Variants in VDAC3 observed in about 807,000 individuals in gnomAD.
VDAC3 encodes non-selective voltage-gated ion channel VDAC3.
A neutral mutation model predicts 33.9 loss-of-function variants in VDAC3; 7 were observed. That is an observed-to-expected ratio of 0.21 (90% CI 0.12 to 0.39). VDAC3 has a LOEUF of 0.39. VDAC3 is among the 10% of genes least tolerant of loss of function. The pLI is 1.00. For synonymous variants in VDAC3, 100 were observed against 122.4 expected (o/e 0.82, Z 1.21); for missense variants, 261 against 334.5 (o/e 0.78, Z 1.71).
chr8:42,403,613 C>T (rs1031060627), intron 8 of VDAC3, 152 bp downstream of exon 8: 18 of 894,450 alleles, frequency 2.0e-5, no homozygotes, highest in Middle Eastern at 5.5e-4. Context: ...GCCAGGCTCA[C>T]GCCTGTATTC....
At chr8:42,396,755 T>C in intron 4 of VDAC3, 1 of 659,732 alleles carries the variant, frequency 1.5e-6, no homozygotes, top group Non-Finnish European at 2.7e-6. Flanking sequence ...TAGGATAAAT[T>C]TCAATCATTG....
At chr8:42,394,369 A>G in intron 3 of VDAC3, 91 bp downstream of exon 3, 1 of 1,113,352 alleles carries the variant, frequency 9.0e-7, no homozygotes, top group East Asian at 2.4e-5. Flanking sequence ...AAATAAGGGT[A>G]AGTCAGCATT....
At chr8:42,401,744 C>T (rs529283117) in intron 6 of VDAC3, 44 bp from the exon 7 acceptor site, 4 of 1,575,304 alleles carry the variant, frequency 2.5e-6, no homozygotes, top group African/African-American at 1.3e-5. Flanking sequence ...AGTAAGAACT[C>T]ATGTTGTTTT....
intron 8 of VDAC3, among the ~76,000 whole-genome samples, chr8:42,404,567 A>G (rs985272422): frequency 6.6e-6 from 1 of 152,048 alleles, no homozygotes. Flanking sequence ...TACTAAAAAT[A>G]CAAAATTAGC....
Position 42,398,810 on chromosome 8 carries a change from C to G in VDAC3, c.216C>G (p.Thr72=). 1 of 1,613,872 alleles carries G rather than the reference C, an allele frequency of 6.2e-7. No homozygotes were observed. The highest frequency in any genetic ancestry group is 1.3e-5 in the African/African-American group (1 of 74,966). ...TCTGTAACTATGGACTTACCTTCAC[C>G]CAGAAATGGAACACAGACAATACTC... ...YKVCNYGLTF[T]QKWNTDNTLG... is the part of the protein sequence containing the mutation. Residue 72 remains threonine, a synonymous_variant, in exon 5 of 10, where the codon ACC becomes ACG. Coordinates refer to ENST00000022615, the MANE Select transcript of VDAC3 (RefSeq NM_005662.7).
chr8:42,402,145 C>G (rs1802426335), intron 7 of VDAC3, 130 bp downstream of exon 7: 2 of 1,023,376 alleles, frequency 2.0e-6, no homozygotes, highest in African/African-American at 3.2e-5. Flanking sequence ...CGGTGCTATC[C>G]TCATAGCAAA....
intron 3 of VDAC3, 76 bp from the exon 4 acceptor site, chr8:42,395,008 A>G: frequency 1.3e-6 from 2 of 1,577,624 alleles, no homozygotes; most frequent in Non-Finnish European, 1.7e-6. Flanking sequence ...AGGCTATTTC[A>G]TAATTTCTGA....
intron 7 of VDAC3, chr8:42,403,008 C>G (rs751710074): frequency 9.5e-6 from 3 of 316,654 alleles, no homozygotes; most frequent in Non-Finnish European, 1.7e-5. Flanking sequence ...TCTCAGAGAC[C>G]TATAGATTAT....
chr8:42,398,745 A>T lies in VDAC3; in HGVS notation c.151A>T (p.Thr51Ser), dbSNP rs756439293. Residue 51 changes from threonine (T) to serine (S), a missense_variant, in exon 5 of 10, where the codon ACA becomes TCA. Thr to Ser is a moderately conservative substitution (Grantham distance 58). Transcript: ENST00000022615. ...TACTTCTGGTCATGCTTACACTGAT[A>T]CAGGGAAAGCATCAGGCAACCTAGA... ...FSTSGHAYTD[T>S]GKASGNLETK... 6.2e-7 allele frequency: 1 copy of T among 1,613,958 alleles called. No homozygotes were observed. The highest frequency in any genetic ancestry group is 1.7e-5 in the Admixed American group (1 of 60,014).
At chr8:42,395,047 T>G (rs1242953570) in intron 3 of VDAC3, 37 bp from the exon 4 acceptor site, 2 of 1,612,882 alleles carry the variant, frequency 1.2e-6, no homozygotes, top group Non-Finnish European at 1.7e-6. Flanking sequence ...TGTCACATTT[T>G]GTACATTACT....
At chr8:42,402,046 A>C (rs1325336240) in intron 7 of VDAC3, 31 bp downstream of exon 7, 1 of 1,602,270 alleles carries the variant, frequency 6.2e-7, no homozygotes, top group African/African-American at 1.3e-5. Flanking sequence ...CCTTAGTATC[A>C]GTGCAGTTGC....
At chr8:42,395,279 C>G in intron 4 of VDAC3, 146 bp downstream of exon 4, 2 of 1,268,628 alleles carry the variant, frequency 1.6e-6, no homozygotes, top group Non-Finnish European at 2.1e-6. Flanking sequence ...GCATTCTTAG[C>G]CAATTAAAAT....
chr8:42,404,552 G>A (rs983096329), intron 8 of VDAC3, among the ~76,000 whole-genome samples: 30 of 151,844 alleles, frequency 2.0e-4, no homozygotes, highest in East Asian at 5.8e-4. Flanking sequence ...GTGAAACCCC[G>A]TCTCTACTAA....
chr8:42,400,889 C>G (rs1290664691), intron 6 of VDAC3, among the ~76,000 whole-genome samples: 3 of 151,812 alleles, frequency 2.0e-5, no homozygotes, highest in Middle Eastern at 3.2e-3. Flanking sequence ...TGGTCTCTGT[C>G]TTGACCTCGT....
intron 4 of VDAC3, among the ~76,000 whole-genome samples, chr8:42,397,844 A>C (rs1295106581): frequency 1.3e-5 from 2 of 152,238 alleles, no homozygotes; most frequent in East Asian, 1.9e-4. Flanking sequence ...TTTTGCACAC[A>C]AAAGCATTAA....
At position 42,405,628 on chromosome 8, in the gene VDAC3, C is replaced by T. The variant is rs1339075108; in HGVS notation, c.*166C>T. 6.8e-6 allele frequency: 4 copies of T among 588,284 alleles called. No individual in the cohort carries two copies. In the Admixed American group the frequency reaches 9.5e-5, roughly 14 times the overall value. The allele number at this position is 588,284 out of a possible 1,614,324, so 36.4% of individuals were successfully genotyped here. The stretch of plus-strand genomic sequence containing the variant: ...TGAAGTCTAGGGGTTGCGAATCCCT[C>T]CTGAGGGAGATGCTTGAAGGCATGC... On this transcript the variant is annotated 3_prime_UTR_variant, in exon 10 of 10. Transcript: ENST00000022615.
rs755099473 is a variant in VDAC3, at chr8:42,401,968, T to A, written c.504T>A (p.Asn168Lys). Residue 168 changes from asparagine to lysine, a missense_variant, in exon 7 of 10, where the codon AAT becomes AAA. Physicochemically the swap from Asn to Lys is moderately conservative, Grantham distance 94. Transcript: ENST00000022615. ...CCAAATCCAAACTGTCACAGAATAA[T>A]TTCGCCCTGGGTTACAAGGCTGCGG... is the stretch of plus-strand genomic sequence containing the variant. ...DTAKSKLSQNNFALGYKAADF... is the reference protein window; with the variant it reads ...DTAKSKLSQNKFALGYKAADF... The A allele has an allele frequency of 3.7e-6, 6 of 1,614,208 alleles. No individual in the cohort carries two copies. Among genetic ancestry groups the A allele is most frequent in the Non-Finnish European group, 5.1e-6 (6 of 1,180,040 alleles).
intron 6 of VDAC3, 75 bp downstream of exon 6, chr8:42,399,778 T>G: frequency 1.4e-5 from 20 of 1,403,534 alleles, no homozygotes; most frequent in Non-Finnish European, 1.9e-5. Flanking sequence ...TAAGGAGATA[T>G]AGTGCAAAGT....
intron 4 of VDAC3, among the ~76,000 whole-genome samples, chr8:42,396,368 T>A (rs1802318195): frequency 6.6e-6 from 1 of 152,222 alleles, no homozygotes; most frequent in Non-Finnish European, 1.5e-5. Flanking sequence ...ATTTATCCAT[T>A]CAAACCCATG....
Sources: gnomAD v4.1 joint callset for allele counts (sites outside exome capture counted in the v4.1 genomes callset) on GRCh38, gnomAD v4.1.1 for gene constraint, MANE v1.5 for transcripts, NCBI Gene and HGNC (gene_info 2026-07-23, HGNC 2026-07-21) for gene names.